Variants in PLCB1 observed in about 807,000 individuals in gnomAD.
The protein encoded by PLCB1 is 1-phosphatidylinositol 4,5-bisphosphate phosphodiesterase beta-1.
PLCB1 carries 46 observed loss-of-function variants against 161.8 expected under a neutral mutation model. The ratio of observed to expected loss-of-function variants is 0.28; its 90% CI spans 0.22 to 0.36. The LOEUF (loss-of-function observed/expected upper bound fraction) is 0.36. PLCB1 is among the 10% of genes least tolerant of loss of function. The probability of loss-of-function intolerance (pLI) is 1.00; values close to 1 mark genes in which losing one functional copy is unlikely to be tolerated. For missense variants in PLCB1, 1,016 were observed against 1,472.5 expected (o/e 0.69, Z 5.07); for synonymous variants, 517 against 503.7 (o/e 1.03, Z -0.35).
At chr20:8,284,622 G>T (rs577417223) in intron 2 of PLCB1, among the ~76,000 whole-genome samples, 1 of 152,210 alleles carries the variant, frequency 6.6e-6, no homozygotes, top group African/African-American at 2.4e-5. Context: ...TATCGTCCTG[G>T]CAGTTCTAAG....
At chr20:8,543,777 C>G (rs1328752324) in intron 3 of PLCB1, among the ~76,000 whole-genome samples, 1 of 152,046 alleles carries the variant, frequency 6.6e-6, no homozygotes, top group Non-Finnish European at 1.5e-5. Flanking sequence ...ATGCTGTTCT[C>G]GTGATAGTGA....
chr20:8,299,144 C>T (rs1983775581), intron 2 of PLCB1, among the ~76,000 whole-genome samples: 1 of 152,128 alleles, frequency 6.6e-6, no homozygotes, highest in South Asian at 2.1e-4. Context: ...TCCCATGCTG[C>T]ATCACACACC....
At chr20:8,502,556 G>A (rs560201412) in intron 3 of PLCB1, among the ~76,000 whole-genome samples, 6 of 151,926 alleles carry the variant, frequency 3.9e-5, no homozygotes, top group South Asian at 4.2e-4. Context: ...TCTATCTATC[G>A]AACATTTCTA....
chr20:8,730,611 A>G (rs1166749968), intron 18 of PLCB1, among the ~76,000 whole-genome samples: 1 of 151,700 alleles, frequency 6.6e-6, no homozygotes, highest in Non-Finnish European at 1.5e-5. Context: ...ATTTAACTGT[A>G]TTATGTTTTC....
At chr20:8,851,602 G>T (rs1425509254) in intron 31 of PLCB1, among the ~76,000 whole-genome samples, 2 of 152,124 alleles carry the variant, frequency 1.3e-5, no homozygotes, top group Non-Finnish European at 2.9e-5. Context: ...TATCTAGATG[G>T]CCTGGAAGTA....
chr20:8,180,034 A>G (rs1475314532), intron 2 of PLCB1, among the ~76,000 whole-genome samples: 2 of 150,646 alleles, frequency 1.3e-5, no homozygotes, highest in Admixed American at 6.6e-5. Flanking sequence ...AATTTTTTGT[A>G]TTTTTAGTGG....
At chr20:8,469,673 T>A (rs1392431656) in intron 3 of PLCB1, among the ~76,000 whole-genome samples, 1 of 152,126 alleles carries the variant, frequency 6.6e-6, no homozygotes, top group East Asian at 1.9e-4. Flanking sequence ...TCAAAAGCTT[T>A]CCATTTTTTC....
At chr20:8,514,101 G>A (rs2206422) in intron 3 of PLCB1, among the ~76,000 whole-genome samples, 52,770 of 151,852 alleles carry the variant, frequency 0.35, 9,595 homozygotes, top group Middle Eastern at 0.41. Context: ...TACACACTTA[G>A]GGAGGCCAGA....
chr20:8,711,700 C>T (rs191419978), intron 12 of PLCB1, among the ~76,000 whole-genome samples: 1 of 152,300 alleles, frequency 6.6e-6, no homozygotes, highest in Non-Finnish European at 1.5e-5. Flanking sequence ...GGCTAGCACA[C>T]ACCCAAAGAA....
At chr20:8,269,657 G>A (rs1410041878) in intron 2 of PLCB1, among the ~76,000 whole-genome samples, 1 of 151,860 alleles carries the variant, frequency 6.6e-6, no homozygotes, top group African/African-American at 2.4e-5. Flanking sequence ...TTATCATTTG[G>A]TCAAAACTGA....
intron 2 of PLCB1, among the ~76,000 whole-genome samples, chr20:8,369,729 A>G (rs772980895): frequency 6.6e-6 from 1 of 152,118 alleles, no homozygotes; most frequent in Non-Finnish European, 1.5e-5. Flanking sequence ...GGGCTAAGGA[A>G]CCCTCTAAAA....
chr20:8,630,014 TTCTTCTTTCCTTTCTTTCCTC>T (rs1263038519), intron 4 of PLCB1, among the ~76,000 whole-genome samples: 1 of 137,676 alleles, frequency 7.3e-6, no homozygotes, highest in African/African-American at 2.7e-5. Context: ...TTCTTTCTCT[TTCTTCTTTCCTTTCTTTCCTC>T]TCTTCTTTCC....
intron 1 of PLCB1, among the ~76,000 whole-genome samples, chr20:8,145,139 G>A (rs1050827350): frequency 2.0e-5 from 3 of 152,172 alleles, no homozygotes; most frequent in Non-Finnish European, 4.4e-5. Flanking sequence ...GGAAGTGGGA[G>A]ATAAAGGTGT....
At chr20:8,195,662 A>G (rs6118102) in intron 2 of PLCB1, among the ~76,000 whole-genome samples, 20 of 152,150 alleles carry the variant, frequency 1.3e-4, no homozygotes, top group East Asian at 3.9e-4. Context: ...AATCAACTCA[A>G]TTTTCCCACA....
chr20:8,659,050 A>G (rs977881488), intron 9 of PLCB1, among the ~76,000 whole-genome samples: 1 of 152,124 alleles, frequency 6.6e-6, no homozygotes, highest in Non-Finnish European at 1.5e-5. Context: ...AGTTCTGTGA[A>G]GTGGCCCACA....
At chr20:8,329,491 G>T (rs907644281) in intron 2 of PLCB1, among the ~76,000 whole-genome samples, 11 of 152,014 alleles carry the variant, frequency 7.2e-5, no homozygotes, top group South Asian at 2.1e-4. Context: ...CAGCTGTTTG[G>T]TTTTTTCTGT....
chr20:8,666,509 C>T (rs1180434408), intron 9 of PLCB1, among the ~76,000 whole-genome samples: 3 of 152,210 alleles, frequency 2.0e-5, no homozygotes, highest in Non-Finnish European at 4.4e-5. Flanking sequence ...GAAGCCCTGG[C>T]CAGTGGCCTC....
chr20:8,586,407 C>G (rs1986994788), intron 3 of PLCB1, among the ~76,000 whole-genome samples: 1 of 151,656 alleles, frequency 6.6e-6, no homozygotes, highest in Non-Finnish European at 1.5e-5. Context: ...GTCACCGACT[C>G]TAGCCTTTGG....
intron 31 of PLCB1, among the ~76,000 whole-genome samples, chr20:8,839,908 GTAGTCCTAGC>G (rs1166133710): frequency 1.3e-5 from 2 of 151,954 alleles, no homozygotes; most frequent in African/African-American, 4.8e-5. Context: ...GCACATGCCT[GTAGTCCTAGC>G]TATTTGGGAG....
Sources: allele counts gnomAD v4.1 joint callset (sites outside exome capture counted in the v4.1 genomes callset), GRCh38; gene constraint gnomAD v4.1.1; transcripts MANE v1.5; gene names NCBI Gene and HGNC (gene_info 2026-07-23, HGNC 2026-07-21).